The following CLYBL variants were observed in gnomAD, a reference collection of about 807,000 sequenced individuals.
The protein encoded by CLYBL is citramalyl-CoA lyase.
A neutral mutation model predicts 38.9 loss-of-function variants in CLYBL; 31 were observed. The observed-to-expected ratio is 0.80, with a 90% CI of 0.60 to 1.08. The LOEUF (loss-of-function observed/expected upper bound fraction) is 1.08. Ranked by LOEUF, CLYBL falls within the 50% of genes least tolerant of loss-of-function variation. CLYBL has a pLI of 0.00. For synonymous variants in CLYBL, 171 were observed against 158.6 expected (o/e 1.08, Z -0.59); for missense variants, 434 against 411.6 (o/e 1.05, Z -0.47).
chr13:99,628,916 GAAT>G (rs1488960525), intron 1 of CLYBL, among the ~76,000 whole-genome samples: 3 of 152,182 alleles, frequency 2.0e-5, no homozygotes, highest in Non-Finnish European at 4.4e-5. Flanking sequence ...ACAAGTGTAA[GAAT>G]AAAATTGTAA....
intron 2 of CLYBL, among the ~76,000 whole-genome samples, chr13:99,846,286 ATTTTTTTTTTTT>A (rs5806139): frequency 9.2e-6 from 1 of 108,144 alleles, no homozygotes; most frequent in Middle Eastern, 5.2e-3. Flanking sequence ...TTGTGTGGAG[ATTTTTTTTTTTT>A]TTTTTTTTTT....
chr13:99,791,283 A>C (rs939475613), intron 2 of CLYBL, among the ~76,000 whole-genome samples: 6 of 152,138 alleles, frequency 3.9e-5, no homozygotes, highest in African/African-American at 1.4e-4. Context: ...CACACCACCC[A>C]CCACAGGGCC....
intron 7 of CLYBL, among the ~76,000 whole-genome samples, chr13:99,886,458 G>A (rs1472999563): frequency 1.3e-5 from 2 of 152,244 alleles, no homozygotes; most frequent in Non-Finnish European, 2.9e-5. Context: ...ACTACAGTTC[G>A]ATGGTGACTG....
intron 7 of CLYBL, chr13:99,885,184 G>A (rs2052319960): frequency 2.1e-6 from 1 of 467,354 alleles, no homozygotes; most frequent in Non-Finnish European, 4.4e-6. Context: ...ACTCTCACTA[G>A]ATGGGAACAC....
At chr13:99,648,514 A>T (rs2047208432) in intron 1 of CLYBL, among the ~76,000 whole-genome samples, 1 of 152,190 alleles carries the variant, frequency 6.6e-6, no homozygotes, top group South Asian at 2.1e-4. Flanking sequence ...TTATGATGAT[A>T]ATCTGATTAG....
At chr13:99,649,081 A>C (rs1168485895) in intron 1 of CLYBL, among the ~76,000 whole-genome samples, 1 of 152,034 alleles carries the variant, frequency 6.6e-6, no homozygotes. Context: ...CGGACAGCCA[A>C]TGTGTTTGGC....
In CLYBL at chr13:99,891,391, C is replaced by T; in HGVS notation, c.1001C>T (p.Ala334Val). 6.2e-7 allele frequency: 1 copy of T among 1,613,180 alleles called. No homozygotes were observed. The highest frequency in any genetic ancestry group is 8.5e-7 in the Non-Finnish European group (1 of 1,179,174). Residue 334 changes from alanine to valine, a missense_variant, in exon 8 of 9, where the codon GCC (alanine) becomes GTC (valine). Coordinates refer to ENST00000339105, the MANE Select transcript of CLYBL (RefSeq NM_206808.5). Reference sequence around the variant, plus strand: ...CAGGCCCAGAACACTGTTACGCTTGCCACCTCCATCAAGGAAAAATGATCT... The same window carrying T: ...CAGGCCCAGAACACTGTTACGCTTGTCACCTCCATCAAGGAAAAATGATCT... ...LKQAQNTVTL[A>V]TSIKEK is the part of the protein sequence containing the mutation.
intron 1 of CLYBL, among the ~76,000 whole-genome samples, chr13:99,762,869 A>G (rs749872323): frequency 3.3e-5 from 5 of 152,114 alleles, no homozygotes; most frequent in Non-Finnish European, 7.4e-5. Flanking sequence ...TTTTCCTTGT[A>G]GAGAGATCTT....
At chr13:99,826,657 C>G (rs1455519905) in intron 2 of CLYBL, among the ~76,000 whole-genome samples, 1 of 152,218 alleles carries the variant, frequency 6.6e-6, no homozygotes, top group East Asian at 1.9e-4. Flanking sequence ...TTGAAATCTA[C>G]TAAGCTTTGA....
intron 2 of CLYBL, among the ~76,000 whole-genome samples, chr13:99,804,954 G>T (rs1338801452): frequency 6.6e-6 from 1 of 152,026 alleles, no homozygotes; most frequent in Non-Finnish European, 1.5e-5. Flanking sequence ...CTCCCATTCT[G>T]CTTTCTGTCT....
chr13:99,885,259 A>G (rs2052321903), intron 7 of CLYBL, among the ~76,000 whole-genome samples: 4 of 152,182 alleles, frequency 2.6e-5, no homozygotes, highest in Admixed American at 1.3e-4. Context: ...GGAGGCCTCA[A>G]AACACTTCAC....
chr13:99,883,430 A>G (rs2052266915), intron 7 of CLYBL, among the ~76,000 whole-genome samples: 1 of 151,690 alleles, frequency 6.6e-6, no homozygotes, highest in African/African-American at 2.4e-5. Flanking sequence ...GAGGCAGGAG[A>G]ATCGTTTGAA....
intron 1 of CLYBL, among the ~76,000 whole-genome samples, chr13:99,608,541 C>G (rs2046568929): frequency 1.3e-5 from 2 of 152,128 alleles, no homozygotes; most frequent in African/African-American, 4.8e-5. Context: ...TGTATCCAGG[C>G]TGGTCCAGAA....
downstream of CLYBL, chr13:99,896,539 T>A (rs1435077372): frequency 6.6e-6 from 1 of 152,104 alleles, no homozygotes; most frequent in East Asian, 1.9e-4. Flanking sequence ...AGGCTCCCGG[T>A]GCAGCTCCCT....
chr13:99,901,030 GC>G (rs1202497429), downstream of CLYBL, among the ~76,000 whole-genome samples: 1 of 152,188 alleles, frequency 6.6e-6, no homozygotes, highest in Non-Finnish European at 1.5e-5. Flanking sequence ...AGGATTTTCT[GC>G]TGGGGGCTGG....
At chr13:99,810,576 G>A (rs950893632) in intron 2 of CLYBL, among the ~76,000 whole-genome samples, 1 of 152,170 alleles carries the variant, frequency 6.6e-6, no homozygotes, top group Non-Finnish European at 1.5e-5. Flanking sequence ...AGAGAGGAAG[G>A]CAGGGGCCTG....
At chr13:99,781,678 A>G (rs7995312) in intron 2 of CLYBL, among the ~76,000 whole-genome samples, 43,040 of 150,796 alleles carry the variant, frequency 0.29, 7,862 homozygotes, top group Middle Eastern at 0.43. Context: ...GGGTTTCATC[A>G]TGTTGGCCAG....
intron 1 of CLYBL, among the ~76,000 whole-genome samples, chr13:99,701,139 A>AAAT (rs1278032742): frequency 2.6e-5 from 4 of 152,192 alleles, no homozygotes; most frequent in Non-Finnish European, 5.9e-5. Flanking sequence ...CCAAGTCTCT[A>AAAT]AATAATCTCT....
At chr13:99,701,547 G>A (rs2048066126) in intron 1 of CLYBL, among the ~76,000 whole-genome samples, 1 of 151,928 alleles carries the variant, frequency 6.6e-6, no homozygotes, top group Non-Finnish European at 1.5e-5. Context: ...TCCTGACCTC[G>A]TGATCTGCCT....
Sources: gnomAD v4.1 joint callset for allele counts (sites outside exome capture counted in the v4.1 genomes callset) on GRCh38, gnomAD v4.1.1 for gene constraint, MANE v1.5 for transcripts, NCBI Gene and HGNC (gene_info 2026-07-23, HGNC 2026-07-21) for gene names.